The following CCDC7 variants were observed in gnomAD, a reference collection of about 807,000 sequenced individuals.
CCDC7 encodes the protein coiled-coil domain containing 7, also known as coiled-coil domain-containing protein 7.
In CCDC7, 183 loss-of-function variants were observed where a neutral mutation model predicts 196.9. The observed-to-expected ratio is 0.93, with a 90% CI of 0.82 to 1.05. CCDC7 has a LOEUF of 1.05. Among genes scored for constraint, CCDC7 ranks in the 50% least tolerant of loss-of-function variants. CCDC7 has a pLI of 0.00. For missense variants in CCDC7, 1,540 were observed against 1,482.2 expected (o/e 1.04, Z -0.64); for synonymous variants, 525 against 484.6 (o/e 1.08, Z -1.10).
chr10:32,880,353 T>G (rs565416679), downstream of CCDC7, among the ~76,000 whole-genome samples: 46 of 152,344 alleles, frequency 3.0e-4, no homozygotes, highest in African/African-American at 1.1e-3. Flanking sequence ...ATGTCTTCTT[T>G]CGAGAAGTGT....
chr10:32,848,127 G>T (rs1011314094), intron 38 of CCDC7, among the ~76,000 whole-genome samples: 1 of 152,116 alleles, frequency 6.6e-6, no homozygotes, highest in Non-Finnish European at 1.5e-5. Context: ...TAAAAAATAT[G>T]AGGTTTATAA....
rs78272577 is a variant in CCDC7 at position 32,770,619 on chromosome 10, C to T, written c.2906-8358C>T. 2.1e-3 allele frequency among the ~76,000 whole-genome samples: 316 copies of T among 152,092 alleles called. 2 individuals are homozygous for T. The highest frequency in any genetic ancestry group is 0.014 in the Middle Eastern group (4 of 294). On this transcript the variant is annotated intron_variant, in intron 28 of 41. Transcript: ENST00000639629. ...CTTGAATAGAATTTACTATAGATAC[C>T]CATTAAGTTTATTTGTTCTAGCATG...
intron 18 of CCDC7, among the ~76,000 whole-genome samples, chr10:32,594,599 G>A (rs542966917): frequency 1.3e-4 from 19 of 151,886 alleles, no homozygotes; most frequent in Non-Finnish European, 2.1e-4. Flanking sequence ...GAATAGGAGT[G>A]GTGAGAGAGG....
intron 25 of CCDC7, among the ~76,000 whole-genome samples, chr10:32,721,005 A>T (rs879553413): frequency 6.6e-6 from 1 of 152,058 alleles, no homozygotes; most frequent in African/African-American, 2.4e-5. Flanking sequence ...GAAATGGAGG[A>T]TAGCTTGAGC....
In CCDC7 at chr10:32,574,574, GT is replaced by G. The variant is rs2057977345; in HGVS notation, c.1454+2684del. Reference sequence around the variant, plus strand: ...TTTTTGCTCTTTACAACATTTATCAGTTTATTTTGGCTTAGGGAATGAGTTA... The same window carrying G: ...TTTTTGCTCTTTACAACATTTATCAGTTATTTTGGCTTAGGGAATGAGTTA... On this transcript the variant is annotated intron_variant, in intron 16 of 41. Coordinates refer to ENST00000639629, the Ensembl canonical transcript of CCDC7. 14 of 1,123,964 alleles carry G rather than the reference GT, an allele frequency of 1.2e-5. No individual in the cohort carries two copies. In the South Asian group the frequency reaches 4.0e-4, roughly 32 times the overall value. The allele number at this position is 1,123,964 out of a possible 1,614,324, so 69.6% of individuals were successfully genotyped here. A position where few individuals can be genotyped will look rare whatever the true frequency, so the allele number is the denominator to read the frequency against.
intron 28 of CCDC7, among the ~76,000 whole-genome samples, chr10:32,763,679 A>G (rs2077809316): frequency 6.6e-6 from 1 of 151,750 alleles, no homozygotes; most frequent in African/African-American, 2.4e-5. Context: ...TCTCAACAAC[A>G]TGAATGAACC....
At chr10:32,804,987 G>A (rs1260138929) in intron 29 of CCDC7, 28 bp from the exon 31 acceptor site, 1 of 1,445,564 alleles carries the variant, frequency 6.9e-7, no homozygotes, top group Non-Finnish European at 9.7e-7. Flanking sequence ...ACCTCGCAAA[G>A]TATTTTTAAA....
chr10:32,511,944 T>G, intron 9 of CCDC7: 1 of 569,672 alleles, frequency 1.8e-6, no homozygotes, highest in Non-Finnish European at 3.1e-6. Context: ...TTTTATTAAA[T>G]TATTATGCAT....
At chr10:32,746,475 C>G (rs142509741) in intron 28 of CCDC7, among the ~76,000 whole-genome samples, 1 of 152,130 alleles carries the variant, frequency 6.6e-6, no homozygotes, top group Non-Finnish European at 1.5e-5. Flanking sequence ...GCATGGCCAG[C>G]GATGCCCATC....
intron 9 of CCDC7, among the ~76,000 whole-genome samples, chr10:32,503,007 C>A (rs190865587): frequency 1.3e-5 from 2 of 152,016 alleles, no homozygotes; most frequent in East Asian, 3.9e-4. Flanking sequence ...GTTTTTGTAT[C>A]CTGCAACTTT....
At chr10:32,500,500 A>T (rs1005459213) in intron 9 of CCDC7, among the ~76,000 whole-genome samples, 1 of 151,584 alleles carries the variant, frequency 6.6e-6, no homozygotes, top group Non-Finnish European at 1.5e-5. Flanking sequence ...GCGGCGGGGC[A>T]GAGACGCTCC....
intron 28 of CCDC7, among the ~76,000 whole-genome samples, chr10:32,766,810 T>C (rs2078375759): frequency 6.6e-6 from 1 of 152,044 alleles, no homozygotes; most frequent in Non-Finnish European, 1.5e-5. Context: ...TGTGGCCAAA[T>C]ACCTATGGTC....
At chr10:32,848,621 T>A (rs762016233) in exon 39 of CCDC7, 16 of 1,504,140 alleles carry the variant, frequency 1.1e-5, no homozygotes, top group Non-Finnish European at 1.5e-5. Flanking sequence ...AAAACAAAGA[T>A]ATGTCCGTAC....
rs182674284 is a variant in CCDC7, at chr10:32,657,632, C to T, written c.2015-6422C>T. On this transcript the variant is annotated intron_variant, in intron 20 of 41. Coordinates refer to ENST00000639629, the Ensembl canonical transcript of CCDC7. Reference sequence around the variant, plus strand: ...GCCTGATCCAGGAAACCATTTTTTCCTCCTAGGCCTCTGGGCCTGTGATGG... The same window carrying T: ...GCCTGATCCAGGAAACCATTTTTTCTTCCTAGGCCTCTGGGCCTGTGATGG... Among the ~76,000 whole-genome samples, 6 of 152,266 alleles carry T rather than the reference C, an allele frequency of 3.9e-5. 1 individual carries two copies. The East Asian group carries it at 1.2e-3, about 29-fold the overall frequency.
chr10:32,690,123 A>G (rs1468218241), intron 23 of CCDC7, among the ~76,000 whole-genome samples: 1 of 152,162 alleles, frequency 6.6e-6, no homozygotes, highest in Non-Finnish European at 1.5e-5. Context: ...AATCAATCCT[A>G]GGCATTTTAT....
At chr10:32,783,038 A>G (rs2081298781) in intron 29 of CCDC7, among the ~76,000 whole-genome samples, 1 of 152,202 alleles carries the variant, frequency 6.6e-6, no homozygotes, top group Non-Finnish European at 1.5e-5. Context: ...ACCTACATAT[A>G]AGACCTAAAA....
In CCDC7 at chr10:32,473,874, A is replaced by G. The variant is rs529823679; in HGVS notation, c.740-93A>G. On this transcript the variant is annotated intron_variant, in intron 7 of 41. Transcript: ENST00000639629. ...TTTCAAAGTTTTCTTTCTTCTGAAT[A>G]AGTTACTAAAATTAAAACAATAAAA... 1.0e-5 allele frequency: 12 copies of G among 1,175,986 alleles called. No individual in the cohort carries two copies. In the East Asian group the frequency reaches 1.8e-4, roughly 17 times the overall value. The allele number at this position is 1,175,986 out of a possible 1,614,324, so 72.8% of individuals were successfully genotyped here.
intron 28 of CCDC7, among the ~76,000 whole-genome samples, chr10:32,777,634 A>G (rs1453021383): frequency 5.9e-5 from 9 of 152,088 alleles, no homozygotes; most frequent in Non-Finnish European, 7.4e-5. Context: ...AGGTGGGTGG[A>G]TCACTTGAGA....
chr10:32,834,701 C>T (rs545845573), intron 32 of CCDC7, 114 bp from the exon 34 acceptor site: 5 of 479,982 alleles, frequency 1.0e-5, no homozygotes, highest in Middle Eastern at 1.2e-3. Context: ...ATGACTGATG[C>T]TAATTAAGTT....
Sources: allele counts gnomAD v4.1 joint callset (sites outside exome capture counted in the v4.1 genomes callset), GRCh38; gene constraint gnomAD v4.1.1; transcripts MANE v1.5; gene names NCBI Gene and HGNC (gene_info 2026-07-23, HGNC 2026-07-21).